The following NRK variants were observed in gnomAD, a reference collection of about 807,000 sequenced individuals.
NRK encodes the protein Nik related kinase, also known as nik-related protein kinase.
Under a neutral mutation model 125.2 loss-of-function variants are expected in NRK, and 67 were observed. The ratio of observed to expected loss-of-function variants is 0.54; its 90% CI spans 0.44 to 0.66. The LOEUF (loss-of-function observed/expected upper bound fraction) is 0.66, where lower values mean the gene tolerates loss of function less well. Ranked by LOEUF, NRK falls within the 30% of genes least tolerant of loss-of-function variation. The probability of loss-of-function intolerance (pLI) is 0.00; values close to 1 mark genes in which losing one functional copy is unlikely to be tolerated. For missense variants in NRK, 1,224 were observed against 1,192.9 expected, an observed-to-expected ratio of 1.03 and a Z score of -0.38; for synonymous variants, 458 against 429.0, an observed-to-expected ratio of 1.07 and a Z score of -0.84.
intron 19 of NRK, among the ~76,000 whole-genome samples, chrX:105,933,036 C>G (rs888420706): frequency 5.4e-5 from 6 of 110,883 alleles, no homozygotes; most frequent in African/African-American, 9.9e-5. Context: ...AAGGACATGG[C>G]ATATGATAGG....
intron 19 of NRK, among the ~76,000 whole-genome samples, chrX:105,929,175 C>A (rs1334039152): frequency 9.0e-6 from 1 of 111,391 alleles, no homozygotes; most frequent in Admixed American, 9.6e-5. Flanking sequence ...AGTGTTTGGT[C>A]CATAAGTATT....
At chrX:105,913,474 A>G (rs1409358613) in intron 14 of NRK, among the ~76,000 whole-genome samples, 2 of 111,931 alleles carry the variant, frequency 1.8e-5, no homozygotes. Flanking sequence ...AAAAAACAGC[A>G]TTTGTTAATG....
At chrX:105,933,453 A>G (rs764828597) in intron 19 of NRK, among the ~76,000 whole-genome samples, 8 of 111,998 alleles carry the variant, frequency 7.1e-5, no homozygotes, top group Non-Finnish European at 1.1e-4. Flanking sequence ...TTTAGACACA[A>G]AGATGAGCTT....
At chrX:105,830,255 A>C (rs1006484004) in intron 1 of NRK, among the ~76,000 whole-genome samples, 8 of 88,133 alleles carry the variant, frequency 9.1e-5, no homozygotes, top group Non-Finnish European at 1.7e-4. Context: ...CAGAGGTTGC[A>C]GTGAGCCAAG....
intron 2 of NRK, among the ~76,000 whole-genome samples, chrX:105,849,500 G>A (rs767561273): frequency 5.7e-4 from 63 of 111,471 alleles, no homozygotes; most frequent in Non-Finnish European, 9.8e-4. Flanking sequence ...CCGTAGTCCC[G>A]TATTAACTCA....
chrX:105,907,615 T>G (rs1294181177), intron 11 of NRK: 1 of 112,241 alleles, frequency 8.9e-6, no homozygotes, highest in South Asian at 3.7e-4. Context: ...ATTTCCAGAA[T>G]TGCAAAATTT....
At chrX:105,912,860 C>A in intron 14 of NRK, 105 bp downstream of exon 14, 2 of 345,084 alleles carry the variant, frequency 5.8e-6, no homozygotes, top group Non-Finnish European at 1.0e-5. Flanking sequence ...ACATTGAGGA[C>A]CTCAAAAAGC....
intron 7 of NRK, among the ~76,000 whole-genome samples, chrX:105,897,787 C>T (rs2147732033): frequency 8.9e-6 from 1 of 112,195 alleles, no homozygotes; most frequent in African/African-American, 3.2e-5. Flanking sequence ...CTGCCTTAAA[C>T]TCTTAGGTTT....
At chrX:105,837,240 T>G (rs2039277572) in intron 2 of NRK, among the ~76,000 whole-genome samples, 1 of 111,826 alleles carries the variant, frequency 8.9e-6, no homozygotes, top group Non-Finnish European at 1.9e-5. Context: ...GTACAGAACA[T>G]ATATATCTGT....
At chrX:105,859,448 C>G (rs1185632115) in intron 2 of NRK, among the ~76,000 whole-genome samples, 1 of 111,706 alleles carries the variant, frequency 9.0e-6, no homozygotes, top group Non-Finnish European at 1.9e-5. Context: ...ATAAGGTTCT[C>G]CAGTGATAAA....
chrX:105,867,267 T>C (rs954282300), intron 2 of NRK, among the ~76,000 whole-genome samples: 1 of 111,421 alleles, frequency 9.0e-6, no homozygotes, highest in African/African-American at 3.3e-5. Context: ...CCACAGATAC[T>C]CTCTTGCCTC....
At chrX:105,935,815 A>T (rs1042269585) in intron 21 of NRK, among the ~76,000 whole-genome samples, 28 of 86,325 alleles carry the variant, frequency 3.2e-4, no homozygotes, top group Admixed American at 2.9e-3. Context: ...ATTATATTTT[A>T]TATATATATA....
chrX:105,835,342 T>G (rs2039248914), intron 2 of NRK, among the ~76,000 whole-genome samples: 1 of 111,334 alleles, frequency 9.0e-6, no homozygotes, highest in African/African-American at 3.3e-5. Context: ...TTCTCAACTT[T>G]CCATATTCCT....
At chrX:105,934,607 C>T (rs1043499567) in intron 20 of NRK, among the ~76,000 whole-genome samples, 163 bp downstream of exon 20, 1 of 111,949 alleles carries the variant, frequency 8.9e-6, no homozygotes, top group African/African-American at 3.2e-5. Context: ...TTTACTGAAT[C>T]TTTATGGTAC....
Position 105,956,490 on chromosome X carries a change from G to A in NRK, c.*890G>A, listed in dbSNP as rs1420546000. On this transcript the variant is annotated 3_prime_UTR_variant, in exon 29 of 29. Transcript: ENST00000243300. ...TATCTGGCCAACAGTGTGACTATCA[G>A]ACAGCATCAAATATTTGCCCAATCC... The A allele has an allele frequency of 9.0e-6, 1 of 111,710 alleles. No homozygotes were observed. The highest frequency in any genetic ancestry group is 1.9e-5 in the Non-Finnish European group (1 of 53,085). 9.2% of individuals were successfully genotyped at this position (111,710 alleles called of 1,213,427 possible). A position where few individuals can be genotyped will look rare whatever the true frequency, so the allele number is the denominator to read the frequency against.
At chrX:105,826,281 A>AAATATATATTATCATATATATAATAGAT (rs1205481775) in intron 1 of NRK, among the ~76,000 whole-genome samples, 3 of 66,539 alleles carry the variant, frequency 4.5e-5, no homozygotes, top group Non-Finnish European at 7.3e-5. Flanking sequence ...AATATATATG[A>AAATATATATTATCATATATATAATAGAT]AATATATATT....
intron 26 of NRK, chrX:105,948,537 C>G: frequency 2.4e-6 from 1 of 415,400 alleles, no homozygotes; most frequent in Non-Finnish European, 4.1e-6. Flanking sequence ...TATGGATTTG[C>G]AGCAGTCCAG....
intron 19 of NRK, among the ~76,000 whole-genome samples, chrX:105,926,039 G>C (rs188259650): frequency 1.8e-5 from 2 of 111,095 alleles, no homozygotes; most frequent in Non-Finnish European, 3.8e-5. Context: ...ATTCTCCATT[G>C]TGGGTGTAGT....
rs1007227535 is a variant in NRK, at chrX:105,891,384, G to C, written c.379-2448G>C. Among the ~76,000 whole-genome samples, 27 of 112,048 alleles carry C rather than the reference G, an allele frequency of 2.4e-4. No individual in the cohort carries two copies. The Admixed American group carries it at 2.5e-3, about 10-fold the overall frequency. ...TAAAAATTGAATATTTAGAATATAAGGTGGGGTTAGTATACACTTGAATCT... is the reference window on the plus strand; with the variant it reads ...TAAAAATTGAATATTTAGAATATAACGTGGGGTTAGTATACACTTGAATCT... On this transcript the variant is annotated intron_variant, in intron 5 of 28. Transcript: ENST00000243300.
Sources: allele counts gnomAD v4.1 joint callset (sites outside exome capture counted in the v4.1 genomes callset), GRCh38; gene constraint gnomAD v4.1.1; transcripts MANE v1.5; gene names NCBI Gene and HGNC (gene_info 2026-07-23, HGNC 2026-07-21).